MCF2L: variants seen among roughly 807,000 people sequenced by gnomAD.
MCF2L encodes guanine nucleotide exchange factor DBS.
MCF2L carries 97 observed loss-of-function variants against 153.4 expected under a neutral mutation model. The ratio of observed to expected loss-of-function variants is 0.63; its 90% CI spans 0.54 to 0.75. MCF2L has a LOEUF of 0.75. Ranked by LOEUF, MCF2L falls within the 30% of genes least tolerant of loss-of-function variation. MCF2L has a pLI of 0.00. For missense variants in MCF2L, 1,347 were observed against 1,495.2 expected (o/e 0.90, Z 1.64); for synonymous variants, 659 against 632.2 (o/e 1.04, Z -0.64).
intron 1 of MCF2L, among the ~76,000 whole-genome samples, chr13:112,986,452 G>A (rs1476999076): frequency 2.0e-5 from 3 of 152,190 alleles, no homozygotes; most frequent in East Asian, 1.9e-4. Context: ...CACCACCACC[G>A]CCCCATTCAC....
At chr13:113,030,736 C>T (rs139583102) in intron 3 of MCF2L, among the ~76,000 whole-genome samples, 19 of 152,338 alleles carry the variant, frequency 1.2e-4, no homozygotes, top group South Asian at 2.1e-4. Context: ...TAACCAACAT[C>T]GGCCAGGCCT....
chr13:112,979,109 G>C (rs770111238), intron 1 of MCF2L, among the ~76,000 whole-genome samples: 1 of 152,240 alleles, frequency 6.6e-6, no homozygotes, highest in Non-Finnish European at 1.5e-5. Context: ...CGAGGAGCTC[G>C]GCAGCAGACG....
chr13:112,922,928 G>A (rs1027638075), intron 2 of MCF2L, among the ~76,000 whole-genome samples: 1 of 152,254 alleles, frequency 6.6e-6, no homozygotes, highest in Non-Finnish European at 1.5e-5. Flanking sequence ...TGCATAGAGA[G>A]AAATCATGTA....
chr13:113,004,864 C>A (rs374998663), intron 1 of MCF2L, among the ~76,000 whole-genome samples: 1 of 152,198 alleles, frequency 6.6e-6, no homozygotes, highest in Non-Finnish European at 1.5e-5. Flanking sequence ...GACAAGTTTG[C>A]GGAGGCATGG....
intron 1 of MCF2L, among the ~76,000 whole-genome samples, chr13:112,898,746 T>C (rs1175587801): frequency 6.6e-6 from 1 of 152,114 alleles, no homozygotes; most frequent in African/African-American, 2.4e-5. Flanking sequence ...CCAGCTGCCA[T>C]CATCTCCAGA....
chr13:113,030,308 C>A (rs2141350071), intron 3 of MCF2L, among the ~76,000 whole-genome samples: 2 of 70,710 alleles, frequency 2.8e-5, no homozygotes, highest in Non-Finnish European at 5.2e-5. Context: ...TCCGCCGACG[C>A]CCGGTGTGGA....
At chr13:112,965,090 C>G (rs1407957122), upstream of MCF2L, 1 of 152,382 alleles carries the variant, frequency 6.6e-6, no homozygotes, top group African/African-American at 2.4e-5. Context: ...GAATTCCAGA[C>G]TTCCTTGCTG....
intron 3 of MCF2L, among the ~76,000 whole-genome samples, chr13:113,026,539 T>C (rs1031416127): frequency 6.6e-6 from 1 of 152,218 alleles, no homozygotes; most frequent in Non-Finnish European, 1.5e-5. Flanking sequence ...GCTGCTGTGC[T>C]CCCTCGTATA....
intron 27 of MCF2L, chr13:113,094,937 G>C (rs552542714): frequency 1.0e-5 from 14 of 1,378,658 alleles, no homozygotes; most frequent in East Asian, 7.9e-5. Context: ...CTCTGTCTCA[G>C]CAGCACTTTG....
chr13:112,902,454 C>G (rs1263094061), intron 2 of MCF2L: 1 of 1,361,020 alleles, frequency 7.3e-7, no homozygotes, highest in Admixed American at 2.5e-5. Context: ...CTATTCCGGT[C>G]CTTTTAGAGA....
chr13:113,018,190 G>T (rs185073657), intron 2 of MCF2L, among the ~76,000 whole-genome samples: 1 of 152,294 alleles, frequency 6.6e-6, no homozygotes, highest in East Asian at 1.9e-4. Flanking sequence ...CCGGACTCCT[G>T]TACGTTGCCG....
Position 113,074,717 on chromosome 13 carries a change from C to T in MCF2L, c.1116+154C>T, listed in dbSNP as rs1048571400. 6.6e-6 allele frequency among the ~76,000 whole-genome samples: 1 copy of T among 152,000 alleles called. No homozygotes were observed. The highest frequency in any genetic ancestry group is 1.5e-5 in the Non-Finnish European group (1 of 67,994). On this transcript the variant is annotated intron_variant, in intron 10 of 29. Coordinates refer to ENST00000535094, the MANE Select transcript of MCF2L (RefSeq NM_001112732.3). The surrounding 1 kb of genome is among the most constrained non-coding windows in gnomAD (Gnocchi z 4.2). ...GGGGTGGGGGGTGCTGCTGCCTGTA[C>T]CCCTCCCCTCCCACACCCCACCCAC...
At chr13:112,905,369 G>C (rs982582691) in intron 2 of MCF2L, among the ~76,000 whole-genome samples, 2 of 152,174 alleles carry the variant, frequency 1.3e-5, no homozygotes, top group African/African-American at 4.8e-5. Context: ...GGGAAGAGCA[G>C]TTTCAGAACT....
chr13:113,038,677 T>A (rs769785817), intron 3 of MCF2L, among the ~76,000 whole-genome samples: 4 of 152,064 alleles, frequency 2.6e-5, no homozygotes, highest in Non-Finnish European at 4.4e-5. Flanking sequence ...TATATGAAAA[T>A]GCAAGGGGTG....
intron 2 of MCF2L, among the ~76,000 whole-genome samples, chr13:112,921,450 A>G (rs749798827): frequency 6.6e-6 from 1 of 152,238 alleles, no homozygotes; most frequent in African/African-American, 2.4e-5. Flanking sequence ...TTAGTAAATC[A>G]GAGTCTATAG....
chr13:113,076,991 T>G, intron 12 of MCF2L, 61 bp from the exon 13 acceptor site: 1 of 1,546,858 alleles, frequency 6.5e-7, no homozygotes, highest in Non-Finnish European at 8.8e-7. Context: ...TGCGCCTGAC[T>G]GTGTATTTTT....
intron 14 of MCF2L, 110 bp from the exon 15 acceptor site, chr13:113,078,556 C>A: frequency 7.2e-7 from 1 of 1,382,312 alleles, no homozygotes; most frequent in Non-Finnish European, 1.0e-6. Flanking sequence ...AGCTCCCCAT[C>A]GTGGGAATTC....
chr13:113,075,944 C>T lies in MCF2L; in HGVS notation c.1309-22C>T, dbSNP rs201880885. ...TCACCCTCTCACGGCGTCCTGCCCT[C>T]GGCAATGCTCTGTGTTTCCAGTCCA... On this transcript the variant is annotated intron_variant, in intron 11 of 29. Transcript: ENST00000535094. 5.9e-5 allele frequency: 94 copies of T among 1,580,554 alleles called. No homozygotes were observed. The African/African-American group carries it at 1.0e-3, about 18-fold the overall frequency.
At chr13:112,896,973 G>C (rs1377285472) in intron 1 of MCF2L, among the ~76,000 whole-genome samples, 1 of 152,242 alleles carries the variant, frequency 6.6e-6, no homozygotes, top group East Asian at 1.9e-4. Flanking sequence ...GCAGGGCACT[G>C]GTCAGGGGCC....
Sources: allele counts gnomAD v4.1 joint callset (sites outside exome capture counted in the v4.1 genomes callset), GRCh38; gene constraint gnomAD v4.1.1; non-coding constraint Gnocchi (gnomAD v3.1); transcripts MANE v1.5; gene names NCBI Gene and HGNC (gene_info 2026-07-23, HGNC 2026-07-21).